UBAC2: variants seen among roughly 807,000 people sequenced by gnomAD.
The protein encoded by UBAC2 is UBA domain containing 2, also known as ubiquitin-associated domain-containing protein 2.
Under a neutral mutation model 44.0 loss-of-function variants are expected in UBAC2, and 26 were observed. That is an observed-to-expected ratio of 0.59 (90% CI 0.43 to 0.82). The LOEUF (loss-of-function observed/expected upper bound fraction) is 0.82, where lower values mean the gene tolerates loss of function less well. Among genes scored for constraint, UBAC2 ranks in the 40% least tolerant of loss-of-function variants. The pLI is 0.00. For synonymous variants in UBAC2, 155 were observed against 154.3 expected, an observed-to-expected ratio of 1.00 and a Z score of -0.04; for missense variants, 329 against 419.4, an observed-to-expected ratio of 0.78 and a Z score of 1.88.
chr13:99,280,732 T>C (rs1337941245), intron 4 of UBAC2, among the ~76,000 whole-genome samples: 2 of 152,236 alleles, frequency 1.3e-5, no homozygotes, highest in Non-Finnish European at 2.9e-5. Context: ...TGCCACATGC[T>C]AGTTGCTTCA....
chr13:99,254,124 T>C (rs2043498002), intron 4 of UBAC2, among the ~76,000 whole-genome samples: 1 of 152,222 alleles, frequency 6.6e-6, no homozygotes. Flanking sequence ...TTAACTTCTT[T>C]TGTAAAAATG....
chr13:99,249,462 T>A (rs2043431154), intron 4 of UBAC2, among the ~76,000 whole-genome samples: 1 of 152,240 alleles, frequency 6.6e-6, no homozygotes, highest in Non-Finnish European at 1.5e-5. Flanking sequence ...TTAGGTTGAT[T>A]CCATGTCTTT....
chr13:99,232,397 G>GATATATATATAT (rs768838568), intron 1 of UBAC2, among the ~76,000 whole-genome samples: 2,597 of 82,074 alleles, frequency 0.032, 131 homozygotes, highest in Middle Eastern at 0.066. Flanking sequence ...CCTTAGTTGA[G>GATATATATATAT]AGATATAGAT....
chr13:99,207,203 G>A lies in UBAC2; in HGVS notation c.31+6264G>A, dbSNP rs539048054. Among the ~76,000 whole-genome samples, 13 of 152,356 alleles carry A rather than the reference G, an allele frequency of 8.5e-5. No individual in the cohort carries two copies. The South Asian group carries it at 2.5e-3, about 29-fold the overall frequency. ...TGCATCCTTATTTGGTGAGAGGGCA[G>A]AGTATAGAGGTGTAGCACACAGGCC... On this transcript the variant is annotated intron_variant, in intron 1 of 8. Coordinates refer to ENST00000403766, the MANE Select transcript of UBAC2 (RefSeq NM_001144072.2).
In UBAC2 at chr13:99,238,470, C is replaced by T. The variant is rs949566823; in HGVS notation, c.75C>T (p.Ala25=). 6.2e-6 allele frequency: 10 copies of T among 1,613,900 alleles called. No homozygotes were observed. Among genetic ancestry groups the T allele is most frequent in the Admixed American group, 1.7e-5 (1 of 60,022 alleles). Residue 25 remains alanine (A), a synonymous_variant, in exon 2 of 9, where the codon GCC becomes GCT. Coordinates refer to ENST00000403766, the MANE Select transcript of UBAC2 (RefSeq NM_001144072.2). ...AGAGCCTTCTGCTGGTCCCCAGTGC[C>T]CTCTCCCTCCTGCTCGCCCTCCTCC... is the stretch of plus-strand genomic sequence containing the variant. ...LSKSLLLVPS[A]LSLLLALLLP...
At chr13:99,245,643 C>T (rs961830214) in intron 4 of UBAC2, among the ~76,000 whole-genome samples, 1 of 152,222 alleles carries the variant, frequency 6.6e-6, no homozygotes, top group African/African-American at 2.4e-5. Context: ...GAGTTCAAGA[C>T]CAGCCTGGTC....
intron 1 of UBAC2, among the ~76,000 whole-genome samples, chr13:99,224,363 T>C (rs908218883): frequency 1.3e-5 from 2 of 152,226 alleles, no homozygotes; most frequent in African/African-American, 4.8e-5. Context: ...TTAGTCAGCA[T>C]AGAGCTTCAA....
chr13:99,235,699 G>A (rs569987561), intron 1 of UBAC2, among the ~76,000 whole-genome samples: 1 of 152,328 alleles, frequency 6.6e-6, no homozygotes, highest in East Asian at 1.9e-4. Context: ...CTGGGGCCGG[G>A]TGCAGTGGCT....
intron 8 of UBAC2, 34 bp from the exon 9 acceptor site, chr13:99,385,183 GGCAATGTCAGC>G (rs1434807735): frequency 8.5e-6 from 12 of 1,405,498 alleles, no homozygotes; most frequent in Non-Finnish European, 1.2e-5. Flanking sequence ...AGGGATAAGC[GGCAATGTCAGC>G]GCCCTCAGGT....
chr13:99,215,537 T>G, intron 1 of UBAC2: 1 of 1,474,580 alleles, frequency 6.8e-7, no homozygotes, highest in Non-Finnish European at 9.5e-7. Context: ...TTAAGTCTTT[T>G]GATGCATTTC....
chr13:99,354,365 A>AATATAATGAT (rs2045144115), intron 7 of UBAC2, among the ~76,000 whole-genome samples: 1 of 152,220 alleles, frequency 6.6e-6, no homozygotes, highest in Non-Finnish European at 1.5e-5. Flanking sequence ...GATGTTCTTT[A>AATATAATGAT]ATATAATGAT....
At chr13:99,303,580 G>T (rs777479807) in intron 4 of UBAC2, among the ~76,000 whole-genome samples, 1 of 152,178 alleles carries the variant, frequency 6.6e-6, no homozygotes, top group Admixed American at 6.5e-5. Context: ...AAGATATTCT[G>T]TGTTTGTATC....
intron 6 of UBAC2, among the ~76,000 whole-genome samples, chr13:99,333,887 C>T (rs1393190708): frequency 6.6e-6 from 1 of 152,108 alleles, no homozygotes; most frequent in Non-Finnish European, 1.5e-5. Context: ...AAATTGTGAA[C>T]TCCTTAAATA....
rs1299422654 is a variant in UBAC2 at position 99,386,485 on chromosome 13, A to G, written c.*1150A>G. On this transcript the variant is annotated 3_prime_UTR_variant, in exon 9 of 9. Transcript: ENST00000403766. Reference sequence around the variant, plus strand: ...AATAAAGCCTTGTTCCAGGCTATACATATTTACCAGTCAACCAAATCCTCC... The same window carrying G: ...AATAAAGCCTTGTTCCAGGCTATACGTATTTACCAGTCAACCAAATCCTCC... 1 of 152,240 alleles carries G rather than the reference A, an allele frequency of 6.6e-6. No individual in the cohort carries two copies. Among genetic ancestry groups the G allele is most frequent in the Non-Finnish European group, 1.5e-5 (1 of 68,044 alleles). 9.4% of individuals were successfully genotyped at this position (152,240 alleles called of 1,614,324 possible). A position where few individuals can be genotyped will look rare whatever the true frequency, so the allele number is the denominator to read the frequency against.
rs1434207544 is a variant in UBAC2 at position 99,367,901 on chromosome 13, G to T, written c.922G>T (p.Glu308Ter). 4.3e-6 allele frequency: 7 copies of T among 1,613,476 alleles called. No individual in the cohort carries two copies. The highest frequency in any genetic ancestry group is 5.9e-6 in the Non-Finnish European group (7 of 1,179,756). ...AGCGCCCCCTCTAGAAGTTTCTGAG[G>T]AACAGGTAATTAATCAGTAATACCT... Reference protein sequence around the residue: ...PAAPPLEVSEEQVARLMEMGF... With the variant: ...PAAPPLEVSE Residue 308 changes from glutamate to a stop codon, truncating the protein, a stop_gained, in exon 8 of 9, where the codon GAA (glutamate) becomes TAA (stop). Coordinates refer to ENST00000403766, the MANE Select transcript of UBAC2 (RefSeq NM_001144072.2). LOFTEE classifies it high-confidence loss of function.
At chr13:99,344,089 A>G (rs1194187581) in intron 7 of UBAC2, among the ~76,000 whole-genome samples, 1 of 152,130 alleles carries the variant, frequency 6.6e-6, no homozygotes, top group East Asian at 1.9e-4. Flanking sequence ...GACCACCACC[A>G]TTTATTTTGC....
intron 6 of UBAC2, 109 bp downstream of exon 6, chr13:99,318,178 T>G (rs2044518630): frequency 1.9e-6 from 2 of 1,080,006 alleles, no homozygotes; most frequent in African/African-American, 3.2e-5. Flanking sequence ...CACCATTCTT[T>G]TTTTTTGAGA....
rs576644652 is a variant in UBAC2, at chr13:99,378,168, C to T, written c.928-7060C>T. Among the ~76,000 whole-genome samples, 12 of 152,306 alleles carry T rather than the reference C, an allele frequency of 7.9e-5. No individual in the cohort carries two copies. The South Asian group carries it at 2.5e-3, about 32-fold the overall frequency. ...TTGTCACAGTCACCTTGACTCAGAA[C>T]CATCTCAGCTATTTCACCATGGGTC... is the stretch of plus-strand genomic sequence containing the variant. On this transcript the variant is annotated intron_variant, in intron 8 of 8. Transcript: ENST00000403766.
At chr13:99,374,448 A>T (rs546370896) in intron 8 of UBAC2, among the ~76,000 whole-genome samples, 2 of 152,222 alleles carry the variant, frequency 1.3e-5, no homozygotes, top group Non-Finnish European at 2.9e-5. Context: ...GTCAATTCAC[A>T]TGACACGTCG....
Sources: allele counts gnomAD v4.1 joint callset (sites outside exome capture counted in the v4.1 genomes callset), GRCh38; gene constraint gnomAD v4.1.1; transcripts MANE v1.5; gene names NCBI Gene and HGNC (gene_info 2026-07-23, HGNC 2026-07-21).